DNAJC1: variants seen among roughly 807,000 people sequenced by gnomAD.
DNAJC1 encodes DnaJ heat shock protein family (Hsp40) member C1.
Under a neutral mutation model 76.6 loss-of-function variants are expected in DNAJC1, and 58 were observed. The observed-to-expected ratio is 0.76, with a 90% CI of 0.61 to 0.94. The LOEUF is 0.94. Ranked by LOEUF, DNAJC1 falls within the 40% of genes least tolerant of loss-of-function variation. DNAJC1 has a pLI of 0.00. For missense variants in DNAJC1, 689 were observed against 677.3 expected, an observed-to-expected ratio of 1.02 and a Z score of -0.19; for synonymous variants, 258 against 267.9, an observed-to-expected ratio of 0.96 and a Z score of 0.36.
chr10:21,768,189 C>T (rs1241511604), intron 9 of DNAJC1, among the ~76,000 whole-genome samples: 1 of 152,102 alleles, frequency 6.6e-6, no homozygotes, highest in Non-Finnish European at 1.5e-5. Flanking sequence ...ACAAGCCATC[C>T]TTTCCATTTA....
At chr10:21,821,909 C>T (rs1281871252) in intron 8 of DNAJC1, among the ~76,000 whole-genome samples, 1 of 151,394 alleles carries the variant, frequency 6.6e-6, no homozygotes, top group Admixed American at 6.6e-5. Context: ...AAGGACATAT[C>T]ACCGGTAAAT....
Position 21,786,461 on chromosome 10 carries a change from T to C in DNAJC1, c.1098+19519A>G, listed in dbSNP as rs71491185. ...ATATATATATATATATATATATATA[T>C]ATAGAGAGAGAGAGAGAGAGAGAGA... On this transcript the variant is annotated intron_variant, in intron 9 of 11. Coordinates refer to ENST00000376980, the MANE Select transcript of DNAJC1 (RefSeq NM_022365.4). Among the ~76,000 whole-genome samples the C allele has an allele frequency of 1.2e-4, 4 of 32,100 alleles. No individual in the cohort carries two copies. The Admixed American group carries it at 1.4e-3, about 11-fold the overall frequency. 21.1% of individuals were successfully genotyped at this position (32,100 alleles called of 152,430 possible). A position where few individuals can be genotyped will look rare whatever the true frequency, so the allele number is the denominator to read the frequency against.
At chr10:21,765,607 G>A (rs903279812) in intron 10 of DNAJC1, among the ~76,000 whole-genome samples, 16 of 152,194 alleles carry the variant, frequency 1.1e-4, no homozygotes, top group African/African-American at 3.9e-4. Flanking sequence ...AGCAATTTGG[G>A]AGGCCGAGGT....
intron 8 of DNAJC1, among the ~76,000 whole-genome samples, chr10:21,815,743 GTTCA>G (rs1442811075): frequency 6.6e-6 from 1 of 151,510 alleles, no homozygotes; most frequent in East Asian, 1.9e-4. Context: ...AGAGGTCAAG[GTTCA>G]TTTTCTTTTT....
intron 8 of DNAJC1, among the ~76,000 whole-genome samples, chr10:21,857,775 G>T (rs1835860634): frequency 6.6e-6 from 1 of 152,116 alleles, no homozygotes. Context: ...AAAACTGCTT[G>T]TACCTGGGAG....
At chr10:21,868,128 CTT>C (rs200727543) in intron 8 of DNAJC1, among the ~76,000 whole-genome samples, 1 of 123,472 alleles carries the variant, frequency 8.1e-6, no homozygotes, top group Non-Finnish European at 1.6e-5. Context: ...TGAAAATATT[CTT>C]TTTTTTTTTT....
At chr10:21,765,574 C>T (rs537188071) in intron 10 of DNAJC1, among the ~76,000 whole-genome samples, 6 of 152,252 alleles carry the variant, frequency 3.9e-5, no homozygotes, top group East Asian at 1.9e-4. Flanking sequence ...GGGCTGAGCA[C>T]GGTGGCTCAC....
intron 1 of DNAJC1, among the ~76,000 whole-genome samples, chr10:21,942,405 G>A (rs1284873736): frequency 6.6e-6 from 1 of 152,104 alleles, no homozygotes; most frequent in East Asian, 1.9e-4. Flanking sequence ...CTTTACCAGA[G>A]TTGACATAGT....
intron 8 of DNAJC1, among the ~76,000 whole-genome samples, chr10:21,849,290 C>A (rs1209178907): frequency 4.4e-5 from 1 of 22,706 alleles, no homozygotes; most frequent in Non-Finnish European, 7.6e-5. Flanking sequence ...GGGACTCCGC[C>A]TCAAAAAAAA....
intron 9 of DNAJC1, among the ~76,000 whole-genome samples, chr10:21,796,975 A>G (rs543925960): frequency 6.6e-6 from 1 of 151,958 alleles, no homozygotes; most frequent in East Asian, 1.9e-4. Context: ...TTTATTTTTC[A>G]TTTTGTTGCT....
At chr10:21,961,447 T>C (rs768543427) in intron 1 of DNAJC1, among the ~76,000 whole-genome samples, 3 of 152,200 alleles carry the variant, frequency 2.0e-5, no homozygotes, top group Non-Finnish European at 4.4e-5. Context: ...TTGAAAACAT[T>C]ATACTAAGTG....
rs988492075 is a variant in DNAJC1, at chr10:21,902,429, C to G, written c.820+2093G>C. On this transcript the variant is annotated intron_variant, in intron 7 of 11. Coordinates refer to ENST00000376980, the MANE Select transcript of DNAJC1 (RefSeq NM_022365.4). ...AGGCGATTCTCCTGCCTCAGCCTCC[C>G]GAATAGTGGGGATTATAGGCGCACA... is the stretch of plus-strand genomic sequence containing the variant. 6.6e-5 allele frequency among the ~76,000 whole-genome samples: 10 copies of G among 152,064 alleles called. No individual in the cohort carries two copies. In the East Asian group the frequency reaches 1.4e-3, roughly 21 times the overall value.
At chr10:21,997,146 T>A (rs377678557) in intron 1 of DNAJC1, among the ~76,000 whole-genome samples, 1 of 152,074 alleles carries the variant, frequency 6.6e-6, no homozygotes, top group African/African-American at 2.4e-5. Flanking sequence ...CTGGACAAAA[T>A]TGATAATCAC....
intron 9 of DNAJC1, among the ~76,000 whole-genome samples, chr10:21,769,591 A>C (rs1248787961): frequency 6.6e-6 from 1 of 152,222 alleles, no homozygotes; most frequent in African/African-American, 2.4e-5. Context: ...CTGCTGTACT[A>C]CATGGCTTCA....
chr10:21,931,990 G>A (rs1837233885), intron 1 of DNAJC1, among the ~76,000 whole-genome samples: 1 of 152,032 alleles, frequency 6.6e-6, no homozygotes. Flanking sequence ...CCTCTATGAA[G>A]AAGAAATGTA....
chr10:21,782,596 A>C lies in DNAJC1; in HGVS notation c.1099-16287T>G, dbSNP rs559849733. Among the ~76,000 whole-genome samples, 21 of 152,234 alleles carry C rather than the reference A, an allele frequency of 1.4e-4. No homozygotes were observed. In the South Asian group the frequency reaches 2.5e-3, roughly 18 times the overall value. ...TACCAAAGCCTGGCAGAGACACAACAAAAAAAGAGAATTTTAGACCAATAT... is the reference window on the plus strand; with the variant it reads ...TACCAAAGCCTGGCAGAGACACAACCAAAAAAGAGAATTTTAGACCAATAT... On this transcript the variant is annotated intron_variant, in intron 9 of 11. Transcript: ENST00000376980.
chr10:21,886,965 T>A (rs371008366), intron 7 of DNAJC1, among the ~76,000 whole-genome samples: 1 of 152,114 alleles, frequency 6.6e-6, no homozygotes, highest in African/African-American at 2.4e-5. Context: ...CTGTTTGCAA[T>A]TGACATGATT....
At position 21,941,129 on chromosome 10, in the gene DNAJC1, C is replaced by T. The variant is rs1240201712; in HGVS notation, c.223-11988G>A. Reference sequence around the variant, plus strand: ...AAAAAAAAAAAAAAAATTAGCCAGGCGTGGTGGCAGGTGCCTGTAGTCCCA... The same window carrying T: ...AAAAAAAAAAAAAAAATTAGCCAGGTGTGGTGGCAGGTGCCTGTAGTCCCA... On this transcript the variant is annotated intron_variant, in intron 1 of 11. Coordinates refer to ENST00000376980, the MANE Select transcript of DNAJC1 (RefSeq NM_022365.4). Among the ~76,000 whole-genome samples, 6 of 148,088 alleles carry T rather than the reference C, an allele frequency of 4.1e-5. No individual in the cohort carries two copies. The East Asian group carries it at 1.2e-3, about 29-fold the overall frequency.
chr10:21,759,480 T>A lies in DNAJC1; in HGVS notation c.1286A>T (p.Asp429Val), dbSNP rs1589969408. Residue 429 changes from aspartate (D) to valine (V), a missense_variant, in exon 11 of 12, where the codon GAC becomes GTC. Asp to Val is a radical substitution (Grantham distance 152). Transcript: ENST00000376980. ...GVAAEEEQEGDSGEQETGATD... is the reference protein window; with the variant it reads ...GVAAEEEQEGVSGEQETGATD... Reference sequence around the variant, plus strand: ...GGCCCCGGTCTCCTGCTCACCGGAGTCTCCCTCCTGCTCCTCCTCCGCTGC... The same window carrying A: ...GGCCCCGGTCTCCTGCTCACCGGAGACTCCCTCCTGCTCCTCCTCCGCTGC... 6.2e-7 allele frequency: 1 copy of A among 1,613,890 alleles called. No homozygotes were observed. Among genetic ancestry groups the A allele is most frequent in the African/African-American group, 1.3e-5 (1 of 74,866 alleles).
Sources: allele counts gnomAD v4.1 joint callset (sites outside exome capture counted in the v4.1 genomes callset), GRCh38; gene constraint gnomAD v4.1.1; transcripts MANE v1.5; gene names NCBI Gene and HGNC (gene_info 2026-07-23, HGNC 2026-07-21).